The following POLK variants were observed in gnomAD, a reference collection of about 807,000 sequenced individuals.
POLK encodes the protein polymerase (DNA directed) kappa.
A neutral mutation model predicts 94.0 loss-of-function variants in POLK; 76 were observed. The ratio of observed to expected loss-of-function variants is 0.81; its 90% CI spans 0.67 to 0.98. POLK has a LOEUF of 0.98. Among genes scored for constraint, POLK ranks in the 50% least tolerant of loss-of-function variants. The probability of loss-of-function intolerance (pLI) is 0.00; values close to 1 mark genes in which losing one functional copy is unlikely to be tolerated. For missense variants in POLK, 954 were observed against 1,010.1 expected (o/e 0.94, Z 0.75); for synonymous variants, 349 against 325.4 (o/e 1.07, Z -0.78).
the POLK span, among the ~76,000 whole-genome samples, chr5:75,607,506 G>A: frequency 6.6e-6 from 1 of 150,462 alleles, no homozygotes; most frequent in Admixed American, 6.6e-5. Context: ...GTGTGTGGTT[G>A]CTTCTGGGAA....
At chr5:75,568,916 A>G (rs1771430467) in intron 3 of POLK, 1 of 211,322 alleles carries the variant, frequency 4.7e-6, no homozygotes, top group African/African-American at 2.4e-5. Flanking sequence ...CTCCAAATTT[A>G]TAAAGCAGTA....
chr5:75,598,030 T>A (rs762289895), exon 15 of POLK: 4 of 1,005,626 alleles, frequency 4.0e-6, no homozygotes, highest in Non-Finnish European at 5.9e-6. Context: ...CATTGAACAT[T>A]TTATCATTAA....
At chr5:75,592,779 C>T (rs1274939925) in intron 11 of POLK, among the ~76,000 whole-genome samples, 1 of 151,864 alleles carries the variant, frequency 6.6e-6, no homozygotes, top group Admixed American at 6.6e-5. Context: ...TTAGGTCAGG[C>T]ATAGTGGCTC....
intron 1 of POLK, among the ~76,000 whole-genome samples, chr5:75,530,848 C>A (rs1769143070): frequency 6.9e-6 from 1 of 145,204 alleles, no homozygotes; most frequent in East Asian, 2.0e-4. Context: ...CGCTCTGTTG[C>A]CCATGCTGGA....
chr5:75,529,708 A>G (rs1455484772), intron 1 of POLK, among the ~76,000 whole-genome samples: 1 of 152,196 alleles, frequency 6.6e-6, no homozygotes, highest in African/African-American at 2.4e-5. Context: ...TGAAAGGCCA[A>G]GTACACAGAT....
upstream of POLK, chr5:75,510,976 T>C: frequency 8.2e-7 from 1 of 1,224,134 alleles, no homozygotes; most frequent in Non-Finnish European, 1.1e-6. Flanking sequence ...GCCTCATCCC[T>C]AGTCGCTGCA....
chr5:75,602,029 C>G (rs1052600264), downstream of POLK, among the ~76,000 whole-genome samples: 1 of 152,108 alleles, frequency 6.6e-6, no homozygotes, highest in African/African-American at 2.4e-5. Flanking sequence ...TTTGCAGTAC[C>G]CTATTTCTGT....
chr5:75,567,380 A>G (rs1224075494), intron 3 of POLK, among the ~76,000 whole-genome samples: 1 of 152,164 alleles, frequency 6.6e-6, no homozygotes, highest in East Asian at 1.9e-4. Flanking sequence ...TCATGGTGCT[A>G]TTCTCTGGTT....
chr5:75,545,643 G>A (rs1011235368), intron 1 of POLK, among the ~76,000 whole-genome samples: 2 of 152,026 alleles, frequency 1.3e-5, no homozygotes, highest in African/African-American at 4.8e-5. Context: ...TAACCTTAGA[G>A]ATGACGTAAC....
chr5:75,511,822 G>T, exon 1 of POLK: 1 of 1,551,362 alleles, frequency 6.4e-7, no homozygotes, highest in Non-Finnish European at 8.7e-7. Flanking sequence ...AGAGGGCGGG[G>T]TAGGGATGCA....
chr5:75,594,478 T>C (rs575541037), intron 12 of POLK, among the ~76,000 whole-genome samples: 61 of 152,316 alleles, frequency 4.0e-4, no homozygotes, highest in African/African-American at 1.4e-3. Context: ...AAGTTGTTAT[T>C]TTCCTTATAA....
intron 3 of POLK, among the ~76,000 whole-genome samples, chr5:75,564,775 C>T (rs1264946495): frequency 6.6e-6 from 1 of 152,088 alleles, no homozygotes; most frequent in Non-Finnish European, 1.5e-5. Context: ...GATGGACTTC[C>T]CTTTGTAACC....
Position 75,593,877 on chromosome 5 carries a change from G to T in POLK, c.1357-1G>T. The T allele has an allele frequency of 6.5e-7, 1 of 1,533,272 alleles. No homozygotes were observed. Among genetic ancestry groups the T allele is most frequent in the South Asian group, 1.1e-5 (1 of 87,910 alleles). The allele number at this position is 1,533,272 out of a possible 1,614,324, so 95.0% of individuals were successfully genotyped here. Reference sequence around the variant, plus strand: ...TAAATAACATATTGTATATGTTATAGGGTAGAACTGTTACCATTAAGTTGA... The same window carrying T: ...TAAATAACATATTGTATATGTTATATGGTAGAACTGTTACCATTAAGTTGA... On this transcript the variant is annotated splice_acceptor_variant, in intron 11 of 14. Transcript: ENST00000241436. LOFTEE classifies it high-confidence loss of function.
At chr5:75,564,144 T>G (rs1259038490) in intron 3 of POLK, among the ~76,000 whole-genome samples, 3 of 152,240 alleles carry the variant, frequency 2.0e-5, no homozygotes, top group African/African-American at 7.2e-5. Context: ...TTTACCATTA[T>G]GTAATGCCCT....
chr5:75,541,967 A>C (rs1028160832), intron 1 of POLK, among the ~76,000 whole-genome samples: 1 of 152,234 alleles, frequency 6.6e-6, no homozygotes, highest in African/African-American at 2.4e-5. Flanking sequence ...AAAATGAAAA[A>C]GGAAATTTTA....
chr5:75,528,810 C>G (rs533431353), intron 1 of POLK, among the ~76,000 whole-genome samples: 1 of 152,252 alleles, frequency 6.6e-6, no homozygotes, highest in South Asian at 2.1e-4. Flanking sequence ...GATCCTGTCT[C>G]TTAAACAAAA....
rs892967287 is a variant in POLK, at chr5:75,547,012, A to G, written c.-11A>G. On this transcript the variant is annotated splice_region_variant and 5_prime_UTR_variant, in exon 2 of 15. It adds an upstream start codon to the 5' untranslated region. Transcript: ENST00000241436. ...TGTTTATCTTTATGCTTTTTCAGAT[A>G]AGTTTATACCATGGATAGCACAAAG... The G allele has an allele frequency of 2.8e-6, 4 of 1,446,540 alleles. No individual in the cohort carries two copies. Among genetic ancestry groups the G allele is most frequent in the Non-Finnish European group, 2.8e-6 (3 of 1,076,874 alleles). 89.6% of individuals were successfully genotyped at this position (1,446,540 alleles called of 1,614,324 possible).
chr5:75,575,217 A>C (rs768723737), intron 5 of POLK, among the ~76,000 whole-genome samples: 57 of 152,304 alleles, frequency 3.7e-4, no homozygotes, highest in Non-Finnish European at 3.8e-4. Context: ...GTCTCACCCC[A>C]TAGCCCAGGC....
exon 13 of POLK, chr5:75,596,658 C>T: frequency 1.2e-6 from 2 of 1,614,008 alleles, no homozygotes; most frequent in South Asian, 2.2e-5. Context: ...TCAGTGAAAA[C>T]TTTAAAATGT....
Sources: allele counts gnomAD v4.1 joint callset (sites outside exome capture counted in the v4.1 genomes callset), GRCh38; gene constraint gnomAD v4.1.1; transcripts MANE v1.5; gene names NCBI Gene and HGNC (gene_info 2026-07-23, HGNC 2026-07-21).